ANXA8: variants seen among roughly 807,000 people sequenced by gnomAD.
ANXA8 encodes VAC-beta.
Under a neutral mutation model 26.8 loss-of-function variants are expected in ANXA8, and 9 were observed. The ratio of observed to expected loss-of-function variants is 0.34; its 90% CI spans 0.20 to 0.59. The LOEUF is 0.59. Ranked by LOEUF, ANXA8 falls within the 20% of genes least tolerant of loss-of-function variation. The probability of loss-of-function intolerance (pLI) is 0.84; values close to 1 mark genes in which losing one functional copy is unlikely to be tolerated. For synonymous variants in ANXA8, 39 were observed against 94.8 expected (o/e 0.41, Z 3.42); for missense variants, 83 against 238.5 (o/e 0.35, Z 4.29).
the ANXA8 span, among the ~76,000 whole-genome samples, chr10:47,632,162 G>T: frequency 6.6e-6 from 1 of 151,950 alleles, no homozygotes; most frequent in African/African-American, 2.4e-5. Flanking sequence ...ATGTTGAGTG[G>T]TTGTGATTAG....
chr10:47,940,379 G>A, the ANXA8 span, among the ~76,000 whole-genome samples: 1 of 146,826 alleles, frequency 6.8e-6, no homozygotes, highest in Non-Finnish European at 1.5e-5. Flanking sequence ...CAGGGGACCA[G>A]GGAGGTGCTA....
the ANXA8 span, among the ~76,000 whole-genome samples, chr10:47,678,906 G>A: frequency 7.4e-6 from 1 of 135,352 alleles, no homozygotes; most frequent in East Asian, 2.1e-4. Context: ...AGCTGGGCTT[G>A]GTGGCATGCG....
At chr10:47,603,371 C>G in the ANXA8 span, among the ~76,000 whole-genome samples, 3 of 149,798 alleles carry the variant, frequency 2.0e-5, no homozygotes, top group Non-Finnish European at 4.4e-5. Context: ...TTCTAGAAAG[C>G]CAGGCACTGA....
chr10:47,469,005 T>C (rs1839210461), intron 11 of ANXA8, 99 bp from the exon 12 acceptor site: 1 of 1,518,204 alleles, frequency 6.6e-7, no homozygotes, highest in East Asian at 2.5e-5. Context: ...GCCCCTGGCC[T>C]GCACCTGGCC....
chr10:47,979,188 A>G, the ANXA8 span, among the ~76,000 whole-genome samples: 5 of 151,756 alleles, frequency 3.3e-5, no homozygotes, highest in Admixed American at 2.6e-4. Context: ...CAAAAACTGA[A>G]GTGAGAAATA....
the ANXA8 span, among the ~76,000 whole-genome samples, chr10:47,734,169 G>A: frequency 7.1e-6 from 1 of 140,058 alleles, no homozygotes; most frequent in Non-Finnish European, 1.5e-5. Flanking sequence ...CTTAGACTGA[G>A]GATGCAGCTG....
chr10:47,743,283 CAT>C, the ANXA8 span, among the ~76,000 whole-genome samples: 1 of 81,988 alleles, frequency 1.2e-5, no homozygotes, highest in African/African-American at 4.3e-5. Context: ...TATATACACA[CAT>C]ATATATATAC....
At chr10:47,651,277 A>G in the ANXA8 span, among the ~76,000 whole-genome samples, 1 of 141,380 alleles carries the variant, frequency 7.1e-6, no homozygotes, top group South Asian at 2.2e-4. Context: ...AACTTAAAAA[A>G]AATCTCAAAA....
At chr10:47,958,554 C>T in the ANXA8 span, among the ~76,000 whole-genome samples, 1 of 148,140 alleles carries the variant, frequency 6.8e-6, no homozygotes, top group Non-Finnish European at 1.5e-5. Flanking sequence ...ACTCAGATCC[C>T]TCGTGTGCCT....
the ANXA8 span, among the ~76,000 whole-genome samples, chr10:47,653,412 A>G: frequency 6.6e-6 from 1 of 151,374 alleles, no homozygotes; most frequent in South Asian, 2.1e-4. Context: ...ATAACTGAAT[A>G]GCCAAAATAT....
At chr10:47,681,522 ACTT>A in the ANXA8 span, among the ~76,000 whole-genome samples, 2 of 82,914 alleles carry the variant, frequency 2.4e-5, no homozygotes, top group African/African-American at 4.6e-5. Flanking sequence ...TTTTATTTTT[ACTT>A]TTTTTTTTTT....
chr10:47,645,865 C>T, the ANXA8 span, among the ~76,000 whole-genome samples: 1 of 149,668 alleles, frequency 6.7e-6, no homozygotes, highest in African/African-American at 2.6e-5. Flanking sequence ...CTGGGACATC[C>T]ATCTTCTCTT....
the ANXA8 span, among the ~76,000 whole-genome samples, chr10:47,729,778 C>G: frequency 7.0e-6 from 1 of 142,790 alleles, no homozygotes; most frequent in Non-Finnish European, 1.6e-5. Context: ...TAGCTTGTAA[C>G]TAGAAAGAGA....
the ANXA8 span, among the ~76,000 whole-genome samples, chr10:47,674,855 G>T: frequency 6.6e-6 from 1 of 151,832 alleles, no homozygotes; most frequent in Admixed American, 6.5e-5. Context: ...CTTTCAGTTG[G>T]TATGACTTTT....
chr10:47,588,174 T>C, the ANXA8 span, among the ~76,000 whole-genome samples: 2 of 142,668 alleles, frequency 1.4e-5, no homozygotes, highest in Non-Finnish European at 3.0e-5. Flanking sequence ...CGAAATTGCA[T>C]AATAATCTTC....
the ANXA8 span, among the ~76,000 whole-genome samples, chr10:47,699,249 G>A: frequency 6.9e-6 from 1 of 145,718 alleles, no homozygotes; most frequent in Admixed American, 6.9e-5. Flanking sequence ...TCAGGAGGCT[G>A]AGGCATGAGA....
At chr10:47,938,670 G>A in the ANXA8 span, among the ~76,000 whole-genome samples, 1 of 144,274 alleles carries the variant, frequency 6.9e-6, no homozygotes, top group Non-Finnish European at 1.5e-5. Flanking sequence ...GTCAGGCTTG[G>A]GCCTCCCTAG....
the ANXA8 span, chr10:47,689,674 T>C: frequency 5.2e-6 from 4 of 767,552 alleles, no homozygotes; most frequent in East Asian, 1.1e-4. Flanking sequence ...TGACAATATA[T>C]TAATTTTGGA....
the ANXA8 span, among the ~76,000 whole-genome samples, chr10:47,722,662 C>G: frequency 7.1e-6 from 1 of 140,920 alleles, no homozygotes; most frequent in Non-Finnish European, 1.6e-5. Context: ...TTCCTCAGAG[C>G]AGGAAAGGCA....
Sources: allele counts gnomAD v4.1 joint callset (sites outside exome capture counted in the v4.1 genomes callset), GRCh38; gene constraint gnomAD v4.1.1; transcripts MANE v1.5; gene names NCBI Gene and HGNC (gene_info 2026-07-23, HGNC 2026-07-21).